Variants in PCDHA8 observed in about 807,000 individuals in gnomAD.
The protein encoded by PCDHA8 is protocadherin alpha 8, also known as protocadherin alpha-8.
PCDHA8 carries 53 observed loss-of-function variants against 61.8 expected under a neutral mutation model. The observed-to-expected ratio is 0.86, with a 90% confidence interval of 0.69 to 1.08. The LOEUF (loss-of-function observed/expected upper bound fraction) is 1.08. Ranked by LOEUF, PCDHA8 falls within the 50% of genes least tolerant of loss-of-function variation. The probability of loss-of-function intolerance (pLI) is 0.00; values close to 1 mark genes in which losing one functional copy is unlikely to be tolerated. For synonymous variants in PCDHA8, 618 were observed against 556.6 expected (o/e 1.11, Z -1.55); for missense variants, 1,293 against 1,245.0 (o/e 1.04, Z -0.58).
At chr5:140,877,655 C>T (rs868936879) in intron 1 of PCDHA8, 4 of 1,613,562 alleles carry the variant, frequency 2.5e-6, no homozygotes, top group South Asian at 2.2e-5. Context: ...GCGCCGCCCA[C>T]CGTGAGCCGG....
intron 1 of PCDHA8, chr5:140,858,137 TACCTGATCATCGCC>T: frequency 1.9e-6 from 3 of 1,597,500 alleles, no homozygotes; most frequent in Non-Finnish European, 2.6e-6. Context: ...TGTCAACGTG[TACCTGATCATCGCC>T]ATCTGCGCGG....
chr5:140,850,221 G>T (rs2041438830), intron 1 of PCDHA8: 1 of 1,593,734 alleles, frequency 6.3e-7, no homozygotes, highest in Non-Finnish European at 8.6e-7. Context: ...CACTGACGGC[G>T]CAGTGAGCGA....
chr5:141,003,445 G>A (rs2098125256), intron 3 of PCDHA8, among the ~76,000 whole-genome samples: 1 of 152,112 alleles, frequency 6.6e-6, no homozygotes, highest in African/African-American at 2.4e-5. Flanking sequence ...CCAAGTAGAT[G>A]AAATTACAGG....
In PCDHA8 at chr5:140,951,072, T is replaced by G. The variant is rs551891980; in HGVS notation, c.2395-27877T>G. Among the ~76,000 whole-genome samples the G allele has an allele frequency of 1.1e-4, 16 of 152,184 alleles. No individual in the cohort carries two copies. The South Asian group carries it at 3.1e-3, about 30-fold the overall frequency. ...ATTGCTAAAATTTCCATTGGCTTTCTTATATTTTCCTTTTTTTCTGATAAG... is the reference window on the plus strand; with the variant it reads ...ATTGCTAAAATTTCCATTGGCTTTCGTATATTTTCCTTTTTTTCTGATAAG... On this transcript the variant is annotated intron_variant, in intron 1 of 3. Transcript: ENST00000531613.
intron 1 of PCDHA8, among the ~76,000 whole-genome samples, chr5:140,879,771 G>A (rs1413027496): frequency 6.6e-6 from 1 of 152,156 alleles, no homozygotes; most frequent in Admixed American, 6.5e-5. Flanking sequence ...GGAGGCCCCA[G>A]GGAAGAATCT....
In PCDHA8 at chr5:140,857,452, G is replaced by T. The variant is rs782723934; in HGVS notation, c.2394+13737G>T. 4.4e-6 allele frequency: 7 copies of T among 1,598,562 alleles called. No individual in the cohort carries two copies. The East Asian group carries it at 6.7e-5, about 15-fold the overall frequency. ...CGGTGTTCGTGAAGGAGAACAACCC[G>T]CCAGGCTGCCACATCTTCACGGTGT... On this transcript the variant is annotated intron_variant, in intron 1 of 3. Transcript: ENST00000531613.
chr5:140,958,295 C>A (rs1405336220), intron 1 of PCDHA8, among the ~76,000 whole-genome samples: 1 of 151,884 alleles, frequency 6.6e-6, no homozygotes, highest in African/African-American at 2.4e-5. Context: ...TATTATTGAA[C>A]TTAATTAAAA....
At chr5:140,962,348 C>T (rs2095675606) in intron 1 of PCDHA8, among the ~76,000 whole-genome samples, 1 of 152,130 alleles carries the variant, frequency 6.6e-6, no homozygotes, top group South Asian at 2.1e-4. Flanking sequence ...AGTAAAACTC[C>T]CCCCAATACT....
intron 1 of PCDHA8, among the ~76,000 whole-genome samples, chr5:140,909,403 G>A (rs533159317): frequency 2.0e-4 from 31 of 152,280 alleles, no homozygotes; most frequent in African/African-American, 7.2e-4. Flanking sequence ...AGCTGCAATT[G>A]CAGTTACCAT....
At chr5:140,850,961 G>A in intron 1 of PCDHA8, 1 of 1,476,304 alleles carries the variant, frequency 6.8e-7, no homozygotes, top group Non-Finnish European at 9.1e-7. Flanking sequence ...TACTCCCAGG[G>A]GCCGTTCAAA....
chr5:140,875,525 T>C, intron 1 of PCDHA8: 1 of 1,614,132 alleles, frequency 6.2e-7, no homozygotes, highest in Non-Finnish European at 8.5e-7. Flanking sequence ...CTGCTCTCGC[T>C]TCTGCTCCTT....
intron 1 of PCDHA8, chr5:140,856,279 T>A (rs1554148476): frequency 1.3e-6 from 2 of 1,598,260 alleles, no homozygotes; most frequent in East Asian, 2.2e-5. Flanking sequence ...TGGAGGTAAA[T>A]CTGCAGAATG....
chr5:140,859,825 T>A (rs752840072), intron 1 of PCDHA8: 18 of 152,366 alleles, frequency 1.2e-4, no homozygotes, highest in Non-Finnish European at 2.3e-4. Context: ...AGTTTAGAAG[T>A]GTATTTGTTA....
At chr5:140,912,494 A>T (rs536513157) in intron 1 of PCDHA8, among the ~76,000 whole-genome samples, 1 of 152,190 alleles carries the variant, frequency 6.6e-6, no homozygotes, top group South Asian at 2.1e-4. Context: ...CAGATCTAGG[A>T]GCTTTTTGGA....
chr5:140,870,582 G>T (rs1554164436), intron 1 of PCDHA8: 2 of 1,613,846 alleles, frequency 1.2e-6, no homozygotes, highest in Non-Finnish European at 1.7e-6. Flanking sequence ...CCTACTCGCT[G>T]GTGGAGCGGC....
In PCDHA8 at chr5:140,843,257, C is replaced by G. The variant is rs146582216; in HGVS notation, c.1936C>G (p.Arg646Gly). 40 of 1,595,938 alleles carry G rather than the reference C, an allele frequency of 2.5e-5. 2 individuals carry two copies. The highest frequency in any genetic ancestry group is 3.2e-5 in the Non-Finnish European group (37 of 1,165,610). Residue 646 changes from arginine to glycine, a missense_variant, in exon 1 of 4, where the codon CGT (arginine) becomes GGT (glycine). By Grantham distance (125) the Arg-to-Gly change is moderately radical. Coordinates refer to ENST00000531613, the MANE Select transcript of PCDHA8 (RefSeq NM_018911.3). ...VLDEADSPRHRLLVLVKDHGE... is the reference protein window; with the variant it reads ...VLDEADSPRHGLLVLVKDHGE... The stretch of plus-strand genomic sequence containing the variant: ...GGACGAAGCGGACTCTCCGCGCCAC[C>G]GTCTGCTGGTCCTGGTGAAGGATCA...
intron 1 of PCDHA8, chr5:140,857,218 T>G: frequency 6.3e-7 from 1 of 1,598,468 alleles, no homozygotes. Context: ...CTCTGACGCC[T>G]CACGTTCCGT....
chr5:140,841,916 T>A lies in PCDHA8; in HGVS notation c.595T>A (p.Ser199Thr), dbSNP rs1554138648. The A allele has an allele frequency of 6.8e-6, 11 of 1,613,792 alleles. No homozygotes were observed. The highest frequency in any genetic ancestry group is 9.3e-6 in the Non-Finnish European group (11 of 1,179,838). ...ACTGGTTGAGCTCGTATTAAGAAAA[T>A]CCTTGGACAGAGAGGACGCTCCTGC... ...NKLVELVLRK[S>T]LDREDAPAHH... is the part of the protein sequence containing the mutation. Residue 199 changes from serine to threonine, a missense_variant, in exon 1 of 4, where the codon TCC (serine) becomes ACC (threonine). Ser to Thr is a moderately conservative substitution (Grantham distance 58, BLOSUM62 1). Coordinates refer to ENST00000531613, the MANE Select transcript of PCDHA8 (RefSeq NM_018911.3).
intron 1 of PCDHA8, chr5:140,875,943 T>C (rs371245562): frequency 1.9e-6 from 3 of 1,614,072 alleles, no homozygotes; most frequent in African/African-American, 2.7e-5. Flanking sequence ...TAGAGGGCGC[T>C]TCTGATGCGG....
Sources: gnomAD v4.1 joint callset for allele counts (sites outside exome capture counted in the v4.1 genomes callset) on GRCh38, gnomAD v4.1.1 for gene constraint, MANE v1.5 for transcripts, NCBI Gene and HGNC (gene_info 2026-07-23, HGNC 2026-07-21) for gene names.